Variants in CUX1 observed in about 807,000 individuals in gnomAD.
CUX1 encodes the protein protein CASP.
A neutral mutation model predicts 158.8 loss-of-function variants in CUX1; 31 were observed. That is an observed-to-expected ratio of 0.20 (90% confidence interval 0.15 to 0.26). CUX1 has a LOEUF of 0.26. CUX1 is among the 10% of genes least tolerant of loss of function. CUX1 has a pLI of 1.00. For synonymous variants in CUX1, 879 were observed against 862.1 expected (o/e 1.02, Z -0.34); for missense variants, 1,589 against 2,014.6 (o/e 0.79, Z 4.04).
At chr7:101,911,110 ACAG>A (rs1287075005) in intron 1 of CUX1, among the ~76,000 whole-genome samples, 4 of 152,284 alleles carry the variant, frequency 2.6e-5, no homozygotes, top group South Asian at 2.1e-4. Flanking sequence ...CTGAGCTGAG[ACAG>A]CAGCAGCCAG....
intron 2 of CUX1, chr7:101,959,422 T>C (rs1426469810): frequency 6.6e-6 from 1 of 152,150 alleles, no homozygotes; most frequent in Admixed American, 6.6e-5. Context: ...AATTGCCTTC[T>C]TTCCTCCCAG....
intron 14 of CUX1, among the ~76,000 whole-genome samples, 182 bp from the exon 15 acceptor site, chr7:102,196,452 G>C (rs1056315617): frequency 6.6e-6 from 1 of 152,184 alleles, no homozygotes; most frequent in Non-Finnish European, 1.5e-5. Context: ...GGGAAGCCTC[G>C]TTTGGCTGAC....
chr7:102,238,193 G>C lies in CUX1; in HGVS notation c.3623-1127G>C, dbSNP rs146807237. The stretch of plus-strand genomic sequence containing the variant: ...AGCAGAGTCTTCTCTAAACTCCCCC[G>C]GGGAAAGGGATACTCCCTTTCCCGG... On this transcript the variant is annotated intron_variant, in intron 22 of 23. Transcript: ENST00000292535. Among the ~76,000 whole-genome samples the C allele has an allele frequency of 2.4e-4, 36 of 152,042 alleles. No homozygotes were observed. The South Asian group carries it at 7.5e-3, about 32-fold the overall frequency.
At chr7:101,885,668 T>TG (rs1482967126) in intron 1 of CUX1, among the ~76,000 whole-genome samples, 1 of 152,192 alleles carries the variant, frequency 6.6e-6, no homozygotes, top group East Asian at 1.9e-4. Context: ...CAGGTCCCCT[T>TG]GCCCCAGTTC....
chr7:102,087,329 C>G (rs1238598139), intron 4 of CUX1, among the ~76,000 whole-genome samples: 3 of 152,054 alleles, frequency 2.0e-5, no homozygotes, highest in Admixed American at 6.6e-5. Flanking sequence ...ACCTGTAATC[C>G]CAGCACTTTG....
Position 101,891,074 on chromosome 7 carries a change from T to C in CUX1, c.31-25041T>C, listed in dbSNP as rs973890514. 1.3e-4 allele frequency among the ~76,000 whole-genome samples: 20 copies of C among 152,320 alleles called. No homozygotes were observed. In the South Asian group the frequency reaches 1.7e-3, roughly 13 times the overall value. The stretch of plus-strand genomic sequence containing the variant: ...ATGGCAGTATCTTTTAGAGTTATTA[T>C]GGACCCTGTAATTCTGTTCTCAAAG... On this transcript the variant is annotated intron_variant, in intron 1 of 23. Transcript: ENST00000292535.
rs1801374527 is a variant in CUX1 at position 102,250,416 on chromosome 7, G to A, written c.*1374G>A. On this transcript the variant is annotated 3_prime_UTR_variant, in exon 24 of 24. Transcript: ENST00000292535. ...TACCTGATGAACTGAGCCCTCCCAG[G>A]GGAAGACACTCCCCAGGCCTGGGCA... 3.0e-6 allele frequency: 3 copies of A among 985,488 alleles called. No individual in the cohort carries two copies. The highest frequency in any genetic ancestry group is 3.6e-6 in the Non-Finnish European group (3 of 829,996). 61.0% of individuals were successfully genotyped at this position (985,488 alleles called of 1,614,324 possible). A position where few individuals can be genotyped will look rare whatever the true frequency, so the allele number is the denominator to read the frequency against.
chr7:102,195,748 G>A, intron 14 of CUX1, 145 bp downstream of exon 14: 1 of 693,776 alleles, frequency 1.4e-6, no homozygotes, highest in South Asian at 1.9e-5. Context: ...ACGCGTGTTG[G>A]GTGCCCTCCT....
chr7:101,856,206 A>AAG lies in CUX1; in HGVS notation c.30+38537_30+38538insAG, dbSNP rs1554395823. ...TCAAAAAAAAAAAAAAAAAAAAAAA[A>AAG]GGAAACAAGAAAGAAAAAAGCAGCT... On this transcript the variant is annotated intron_variant, in intron 1 of 23. Transcript: ENST00000292535. Among the ~76,000 whole-genome samples, 233 of 146,144 alleles carry AAG rather than the reference A, an allele frequency of 1.6e-3. 2 individuals carry two copies. The highest frequency in any genetic ancestry group is 6.0e-3 in the African/African-American group (226 of 37,384).
chr7:101,872,553 AATAG>A (rs983542260), intron 1 of CUX1, among the ~76,000 whole-genome samples: 4 of 150,120 alleles, frequency 2.7e-5, no homozygotes, highest in African/African-American at 9.8e-5. Flanking sequence ...TTTTTTTTTA[AATAG>A]ATATGACAAA....
chr7:101,821,613 C>T (rs1233020096), intron 1 of CUX1, among the ~76,000 whole-genome samples: 3 of 150,366 alleles, frequency 2.0e-5, no homozygotes, highest in Non-Finnish European at 4.4e-5. Context: ...GCTGGGATTA[C>T]AGGCGTGAGC....
Position 102,143,612 on chromosome 7 carries a change from T to C in CUX1, c.675-14948T>C, listed in dbSNP as rs964725347. ...GTCAAAGAAAAACATATATATGGTA[T>C]ATTATTTTTTAAAGTCACATTCTTC... On this transcript the variant is annotated intron_variant, in intron 8 of 23. Coordinates refer to ENST00000292535, the MANE Select transcript of CUX1 (RefSeq NM_181552.4). 2.0e-5 allele frequency among the ~76,000 whole-genome samples: 3 copies of C among 152,020 alleles called. No homozygotes were observed. The South Asian group carries it at 6.2e-4, about 32-fold the overall frequency.
chr7:101,836,684 CAAAAAA>C (rs71755816), intron 1 of CUX1, among the ~76,000 whole-genome samples: 72 of 77,830 alleles, frequency 9.3e-4, no homozygotes, highest in African/African-American at 3.0e-3. Context: ...GACTCCTTCT[CAAAAAA>C]AAAAAAAAAA....
chr7:102,164,183 C>T (rs1216385181), intron 9 of CUX1, among the ~76,000 whole-genome samples: 8 of 152,208 alleles, frequency 5.3e-5, no homozygotes, highest in Non-Finnish European at 1.0e-4. Flanking sequence ...AGTGGCCCGC[C>T]CACCACCCCT....
chr7:102,043,807 A>C (rs892379756), intron 3 of CUX1, among the ~76,000 whole-genome samples: 4 of 152,166 alleles, frequency 2.6e-5, no homozygotes, highest in African/African-American at 9.6e-5. Flanking sequence ...ACCAATTTAC[A>C]TTCCCACCAA....
Position 102,255,580 on chromosome 7 carries a change from G to A in CUX1, c.*6538G>A, listed in dbSNP as rs927679860. 1.8e-4 allele frequency: 176 copies of A among 985,156 alleles called. No individual in the cohort carries two copies. Among genetic ancestry groups the A allele is most frequent in the Non-Finnish European group, 2.0e-4 (166 of 829,904 alleles). 61.0% of individuals were successfully genotyped at this position (985,156 alleles called of 1,614,324 possible). On this transcript the variant is annotated 3_prime_UTR_variant, in exon 24 of 24. Transcript: ENST00000292535. The stretch of plus-strand genomic sequence containing the variant: ...TTACTGTAATTTCTGTAGTGTTTAC[G>A]CTTTAATTTCTACCACAAAATATGC...
intron 8 of CUX1, among the ~76,000 whole-genome samples, chr7:102,149,042 TAAG>T (rs1554502843): frequency 6.6e-6 from 1 of 152,138 alleles, no homozygotes; most frequent in Admixed American, 6.6e-5. Context: ...TGTCGTGAGA[TAAG>T]AAATATTCAA....
chr7:102,067,326 G>T (rs949275345), intron 3 of CUX1, among the ~76,000 whole-genome samples: 2 of 147,668 alleles, frequency 1.4e-5, no homozygotes, highest in Non-Finnish European at 3.0e-5. Flanking sequence ...TCCACCTCCG[G>T]AGTACAAATG....
intron 1 of CUX1, among the ~76,000 whole-genome samples, chr7:101,890,795 A>T (rs1584897054): frequency 6.6e-6 from 1 of 151,708 alleles, no homozygotes; most frequent in Non-Finnish European, 1.5e-5. Context: ...TTAACCTCGA[A>T]CTCTTCCAGG....
Sources: gnomAD v4.1 joint callset for allele counts (sites outside exome capture counted in the v4.1 genomes callset) on GRCh38, gnomAD v4.1.1 for gene constraint, MANE v1.5 for transcripts, NCBI Gene and HGNC (gene_info 2026-07-23, HGNC 2026-07-21) for gene names.